Variants in XKR3 observed in about 807,000 individuals in gnomAD.
XKR3 encodes XK-related protein 3.
A neutral mutation model predicts 40.3 loss-of-function variants in XKR3; 27 were observed. The observed-to-expected ratio is 0.67, with a 90% CI of 0.49 to 0.92. The LOEUF (loss-of-function observed/expected upper bound fraction) is 0.92, where lower values mean the gene tolerates loss of function less well. Among genes scored for constraint, XKR3 ranks in the 40% least tolerant of loss-of-function variants. The pLI, the probability that XKR3 is intolerant of heterozygous loss-of-function variation, is 0.00. For synonymous variants in XKR3, 193 were observed against 195.4 expected (o/e 0.99, Z 0.10); for missense variants, 472 against 537.6 (o/e 0.88, Z 1.21).
intron 3 of XKR3, among the ~76,000 whole-genome samples, chr22:16,799,436 C>CAAAAAAAAAAAAAAAAAAAAAAAA (rs2060157854): frequency 3.4e-5 from 2 of 59,006 alleles, no homozygotes; most frequent in African/African-American, 1.7e-4. Context: ...AAAAAAAAAG[C>CAAAAAAAAAAAAAAAAAAAAAAAA]AATGCTGTTT....
chr22:16,823,663 C>G (rs1050549253), intron 1 of XKR3, among the ~76,000 whole-genome samples: 1 of 152,186 alleles, frequency 6.6e-6, no homozygotes, highest in African/African-American at 2.4e-5. Context: ...TAAACATTTA[C>G]TGTGAAACAT....
chr22:16,784,050 T>C lies in XKR3; in HGVS notation c.949A>G (p.Ile317Val). Residue 317 changes from isoleucine to valine, a missense_variant, in exon 4 of 4, where the codon ATC (isoleucine) becomes GTC (valine). By Grantham distance (29) the Ile-to-Val change is conservative. Transcript: ENST00000684488. The part of the protein sequence containing the change: ...LFLITLLYAA[I>V]NFSCWSAVKL... The stretch of plus-strand genomic sequence containing the variant: ...ACTGCTGACCAGCAGGAGAAGTTGA[T>C]GGCAGCATATAGCAGTGTGATCAAG... 1.2e-6 allele frequency: 2 copies of C among 1,614,258 alleles called. No homozygotes were observed. The highest frequency in any genetic ancestry group is 2.2e-5 in the South Asian group (2 of 91,086).
chr22:16,812,150 C>A, intron 1 of XKR3, among the ~76,000 whole-genome samples: 1 of 152,156 alleles, frequency 6.6e-6, no homozygotes. Flanking sequence ...CCTACATAGA[C>A]TGGAGAAAGC....
intron 1 of XKR3, among the ~76,000 whole-genome samples, chr22:16,817,940 T>C (rs891073718): frequency 1.3e-5 from 2 of 152,102 alleles, no homozygotes; most frequent in Non-Finnish European, 2.9e-5. Flanking sequence ...AAAAAGAACA[T>C]ATTTTTGATA....
chr22:16,824,755 C>A (rs2060267720), intron 1 of XKR3, among the ~76,000 whole-genome samples: 1 of 152,154 alleles, frequency 6.6e-6, no homozygotes, highest in Non-Finnish European at 1.5e-5. Flanking sequence ...CTTCCTTCTC[C>A]TTTGGACTCA....
At chr22:16,797,834 C>T (rs2060148992) in intron 3 of XKR3, among the ~76,000 whole-genome samples, 1 of 149,870 alleles carries the variant, frequency 6.7e-6, no homozygotes, top group South Asian at 2.1e-4. Context: ...TGAACAGATA[C>T]TTCTCAAAAG....
intron 2 of XKR3, among the ~76,000 whole-genome samples, chr22:16,806,416 A>G (rs2060189770): frequency 6.6e-6 from 1 of 151,196 alleles, no homozygotes; most frequent in Non-Finnish European, 1.5e-5. Flanking sequence ...ATATATAAAC[A>G]TGTATTTCCA....
Position 16,795,834 on chromosome 22 carries a change from G to A in XKR3, c.589+3937C>T, listed in dbSNP as rs2060138077. On this transcript the variant is annotated intron_variant, in intron 3 of 3. Coordinates refer to ENST00000684488, the MANE Select transcript of XKR3 (RefSeq NM_001386955.1). ...ATAGAAAAATTAACCAGGCATGGTG[G>A]TACATGCCTGTAATCCCAGCTACTC... 1.3e-5 allele frequency among the ~76,000 whole-genome samples: 2 copies of A among 152,062 alleles called. 1 individual carries two copies. The highest frequency in any genetic ancestry group is 4.1e-4 in the South Asian group (2 of 4,820).
chr22:16,822,386 A>T (rs61104224), intron 1 of XKR3, among the ~76,000 whole-genome samples: 18,536 of 114,030 alleles, frequency 0.16, 1,424 homozygotes, highest in East Asian at 0.39. Context: ...ATAGGAAATT[A>T]AAAAAATAAA....
At chr22:16,787,105 T>TA (rs1222555950) in intron 3 of XKR3, among the ~76,000 whole-genome samples, 97 of 146,982 alleles carry the variant, frequency 6.6e-4, no homozygotes, top group African/African-American at 1.8e-3. Flanking sequence ...CACAATAAAA[T>TA]AAAAAAAATA....
intron 1 of XKR3, among the ~76,000 whole-genome samples, chr22:16,823,700 TAG>T (rs2060264814): frequency 6.6e-6 from 1 of 152,188 alleles, no homozygotes; most frequent in Admixed American, 6.5e-5. Flanking sequence ...ACCAAAAGAA[TAG>T]AGTTTACCTA....
At chr22:16,786,768 G>A (rs1356349713) in intron 3 of XKR3, among the ~76,000 whole-genome samples, 1 of 152,088 alleles carries the variant, frequency 6.6e-6, no homozygotes, top group Non-Finnish European at 1.5e-5. Context: ...CAGGCTTACT[G>A]TAGAAAGAAG....
At chr22:16,810,335 C>T (rs527459412) in intron 1 of XKR3, among the ~76,000 whole-genome samples, 15 of 152,308 alleles carry the variant, frequency 9.8e-5, no homozygotes, top group Admixed American at 3.9e-4. Flanking sequence ...ATAATAATTA[C>T]GTCCTGCTGC....
rs377148824 is a variant in XKR3, at chr22:16,784,065, G to A, written c.934C>T (p.Leu312=). ...GAGAAGTTGATGGCAGCATATAGCA[G>A]TGTGATCAAGAAAAGCATCAGTACT... ...GTVLMLFLIT[L]LYAAINFSCW... The change falls in exon 4 of 4, where the codon CTG becomes TTG. Residue 312 remains leucine, a synonymous_variant. Coordinates refer to ENST00000684488, the MANE Select transcript of XKR3 (RefSeq NM_001386955.1). The A allele has an allele frequency of 5.0e-6, 8 of 1,614,188 alleles. No individual in the cohort carries two copies. The African/African-American group carries it at 6.7e-5, about 13-fold the overall frequency.
intron 3 of XKR3, among the ~76,000 whole-genome samples, chr22:16,789,857 C>T (rs1012843446): frequency 6.6e-6 from 1 of 152,108 alleles, no homozygotes; most frequent in African/African-American, 2.4e-5. Context: ...TACAGAGATG[C>T]CAAGAACACA....
chr22:16,811,966 AC>A (rs1476711372), intron 1 of XKR3, among the ~76,000 whole-genome samples: 4 of 152,088 alleles, frequency 2.6e-5, no homozygotes, highest in Non-Finnish European at 5.9e-5. Flanking sequence ...CTGAGATCAC[AC>A]CACTGCACTC....
chr22:16,788,163 C>T (rs1177325599), intron 3 of XKR3, among the ~76,000 whole-genome samples: 2 of 152,032 alleles, frequency 1.3e-5, no homozygotes, highest in African/African-American at 4.8e-5. Flanking sequence ...TTCATAAGTA[C>T]ATGAAAATTA....
At chr22:16,822,689 A>C (rs2060261802) in intron 1 of XKR3, among the ~76,000 whole-genome samples, 1 of 151,908 alleles carries the variant, frequency 6.6e-6, no homozygotes, top group Non-Finnish European at 1.5e-5. Context: ...AAAGTAGAGC[A>C]AAAAAAATGG....
intron 1 of XKR3, among the ~76,000 whole-genome samples, chr22:16,812,342 G>A (rs986879103): frequency 6.6e-6 from 1 of 152,066 alleles, no homozygotes; most frequent in African/African-American, 2.4e-5. Flanking sequence ...AACACTTTTT[G>A]GATTGAGAGA....
Sources: allele counts gnomAD v4.1 joint callset (sites outside exome capture counted in the v4.1 genomes callset), GRCh38; gene constraint gnomAD v4.1.1; transcripts MANE v1.5; gene names NCBI Gene and HGNC (gene_info 2026-07-23, HGNC 2026-07-21).